The following LIN7A variants were observed in gnomAD, a reference collection of about 807,000 sequenced individuals.
The protein encoded by LIN7A is lin-7 cell polarity scaffold A.
A neutral mutation model predicts 29.8 loss-of-function variants in LIN7A; 25 were observed. That is an observed-to-expected ratio of 0.84 (90% CI 0.61 to 1.17). LIN7A has a LOEUF of 1.17. Ranked by LOEUF, LIN7A falls within the 50% of genes most tolerant of loss-of-function variation. The probability of loss-of-function intolerance (pLI) is 0.00; values close to 1 mark genes in which losing one functional copy is unlikely to be tolerated. For synonymous variants in LIN7A, 118 were observed against 107.5 expected (o/e 1.10, Z -0.60); for missense variants, 239 against 287.0 (o/e 0.83, Z 1.21).
chr12:80,913,373 A>G (rs1170000640), intron 1 of LIN7A, among the ~76,000 whole-genome samples: 2 of 152,244 alleles, frequency 1.3e-5, no homozygotes, highest in Non-Finnish European at 2.9e-5. Flanking sequence ...ACTTTCCATG[A>G]TACGCCTGCA....
chr12:80,813,570 T>A (rs1004483427), intron 4 of LIN7A, among the ~76,000 whole-genome samples: 9 of 152,138 alleles, frequency 5.9e-5, no homozygotes, highest in African/African-American at 2.2e-4. Context: ...AACAAATCAA[T>A]TCTTGGCTTT....
intron 4 of LIN7A, among the ~76,000 whole-genome samples, chr12:80,842,964 G>A (rs1872891073): frequency 7.6e-6 from 1 of 131,864 alleles, no homozygotes; most frequent in Non-Finnish European, 1.7e-5. Flanking sequence ...TAGTTAGCCA[G>A]CATTAGCATT....
intron 1 of LIN7A, among the ~76,000 whole-genome samples, chr12:80,902,122 C>T (rs1876244617): frequency 6.6e-6 from 1 of 152,048 alleles, no homozygotes; most frequent in Admixed American, 6.5e-5. Flanking sequence ...TGTCTTTCCC[C>T]CATTGCTTGT....
At chr12:80,928,080 G>C (rs1877703080) in intron 1 of LIN7A, among the ~76,000 whole-genome samples, 1 of 152,186 alleles carries the variant, frequency 6.6e-6, no homozygotes, top group Admixed American at 6.5e-5. Context: ...GTGTATATGT[G>C]CCACATTTTC....
chr12:80,909,350 T>C (rs2120789227), intron 1 of LIN7A, among the ~76,000 whole-genome samples: 1 of 152,328 alleles, frequency 6.6e-6, no homozygotes, highest in African/African-American at 2.4e-5. Context: ...AAAACCACAC[T>C]ATATCTTAAT....
intron 2 of LIN7A, among the ~76,000 whole-genome samples, chr12:80,883,977 C>A (rs972872701): frequency 6.6e-5 from 10 of 152,080 alleles, no homozygotes; most frequent in African/African-American, 2.4e-4. Context: ...CGGATAAACT[C>A]CAAATAGTTC....
intron 4 of LIN7A, among the ~76,000 whole-genome samples, chr12:80,844,469 C>G (rs186376078): frequency 2.0e-5 from 3 of 152,196 alleles, no homozygotes; most frequent in Non-Finnish European, 2.9e-5. Context: ...TCTACAGTTA[C>G]CAATAAAATA....
rs1169483372 is a variant in LIN7A, at chr12:80,794,768, G to C, written c.*2959C>G. ...ACTACATGATTGAGGAAACACAAAAGTCTGTTATTCTTTCCAAAGTCAATT... is the reference window on the plus strand; with the variant it reads ...ACTACATGATTGAGGAAACACAAAACTCTGTTATTCTTTCCAAAGTCAATT... On this transcript the variant is annotated 3_prime_UTR_variant, in exon 6 of 6. Coordinates refer to ENST00000552864, the MANE Select transcript of LIN7A (RefSeq NM_004664.4). The C allele has an allele frequency of 6.6e-6, 1 of 152,128 alleles. No individual in the cohort carries two copies. Among genetic ancestry groups the C allele is most frequent in the Non-Finnish European group, 1.5e-5 (1 of 67,998 alleles). 9.4% of individuals were successfully genotyped at this position (152,128 alleles called of 1,614,324 possible). A position where few individuals can be genotyped will look rare whatever the true frequency, so the allele number is the denominator to read the frequency against.
intron 1 of LIN7A, among the ~76,000 whole-genome samples, chr12:80,913,986 C>T (rs1328416653): frequency 6.6e-6 from 1 of 152,176 alleles, no homozygotes; most frequent in African/African-American, 2.4e-5. Context: ...TTGTTTCCCC[C>T]ACATCTTAAA....
At chr12:80,915,321 C>T (rs1876978501) in intron 1 of LIN7A, among the ~76,000 whole-genome samples, 1 of 151,922 alleles carries the variant, frequency 6.6e-6, no homozygotes, top group South Asian at 2.1e-4. Context: ...AATGAGATAC[C>T]ATCTCACACC....
intron 4 of LIN7A, among the ~76,000 whole-genome samples, chr12:80,817,063 C>T (rs1871571813): frequency 6.6e-6 from 1 of 152,180 alleles, no homozygotes; most frequent in African/African-American, 2.4e-5. Flanking sequence ...CCACCGTGCC[C>T]AGACTCAACC....
At chr12:80,855,708 G>T (rs1476118166) in intron 2 of LIN7A, among the ~76,000 whole-genome samples, 1 of 152,088 alleles carries the variant, frequency 6.6e-6, no homozygotes, top group African/African-American at 2.4e-5. Flanking sequence ...TCAGTGGAAT[G>T]GAGTCCATGC....
chr12:80,818,189 C>T (rs1376053988), intron 4 of LIN7A, among the ~76,000 whole-genome samples: 3 of 152,092 alleles, frequency 2.0e-5, no homozygotes, highest in South Asian at 4.1e-4. Flanking sequence ...GATGGAGTCT[C>T]GCTCTGTCCC....
At chr12:80,805,416 G>A (rs11114625) in intron 5 of LIN7A, among the ~76,000 whole-genome samples, 15,268 of 151,976 alleles carry the variant, frequency 0.1, 823 homozygotes, top group East Asian at 0.18. Context: ...TCTTTAGAGT[G>A]GGAGGAAAAA....
intron 2 of LIN7A, among the ~76,000 whole-genome samples, chr12:80,887,430 A>C (rs1158945556): frequency 6.6e-6 from 1 of 152,110 alleles, no homozygotes; most frequent in Non-Finnish European, 1.5e-5. Flanking sequence ...AGGAAATCCA[A>C]TGTTCTTACT....
chr12:80,837,846 A>ATCC (rs1872650921), intron 4 of LIN7A, among the ~76,000 whole-genome samples: 2 of 151,814 alleles, frequency 1.3e-5, no homozygotes, highest in African/African-American at 4.8e-5. Flanking sequence ...CATCCTCATC[A>ATCC]TCATCATCAT....
chr12:80,901,681 G>T (rs2120735840), intron 1 of LIN7A, among the ~76,000 whole-genome samples: 1 of 138,452 alleles, frequency 7.2e-6, no homozygotes, highest in East Asian at 2.8e-4. Flanking sequence ...TTGTTATAAA[G>T]AAACTACAAA....
intron 4 of LIN7A, among the ~76,000 whole-genome samples, chr12:80,832,033 C>A (rs528857065): frequency 3.3e-5 from 5 of 152,272 alleles, no homozygotes; most frequent in African/African-American, 1.2e-4. Flanking sequence ...GTTTTGGTTA[C>A]AGACTTTACT....
chr12:80,881,634 TA>T (rs1875043710), intron 2 of LIN7A, among the ~76,000 whole-genome samples: 9 of 151,300 alleles, frequency 5.9e-5, no homozygotes, highest in African/African-American at 2.2e-4. Flanking sequence ...CTAAGTTATA[TA>T]TATATATATA....
Sources: gnomAD v4.1 joint callset for allele counts (sites outside exome capture counted in the v4.1 genomes callset) on GRCh38, gnomAD v4.1.1 for gene constraint, MANE v1.5 for transcripts, NCBI Gene and HGNC (gene_info 2026-07-23, HGNC 2026-07-21) for gene names.